XPNPEP3: variants seen among roughly 807,000 people sequenced by gnomAD.
XPNPEP3 encodes xaa-Pro aminopeptidase 3.
In XPNPEP3, 41 loss-of-function variants were observed where a neutral mutation model predicts 60.0. That is an observed-to-expected ratio of 0.68 (90% CI 0.53 to 0.89). The LOEUF is 0.89. XPNPEP3 is among the 40% of genes least tolerant of loss of function. The probability of loss-of-function intolerance (pLI) is 0.00; values close to 1 mark genes in which losing one functional copy is unlikely to be tolerated. For missense variants in XPNPEP3, 598 were observed against 638.9 expected (o/e 0.94, Z 0.69); for synonymous variants, 212 against 223.2 (o/e 0.95, Z 0.45).
intron 4 of XPNPEP3, among the ~76,000 whole-genome samples, chr22:40,891,727 T>TA (rs1238770284): frequency 6.6e-6 from 1 of 152,122 alleles, no homozygotes; most frequent in East Asian, 1.9e-4. Context: ...AGAACTCATT[T>TA]ATCTACCACA....
In XPNPEP3 at chr22:40,930,023, A is replaced by G. The variant is rs1601525580; in HGVS notation, c.*3588A>G. On this transcript the variant is annotated 3_prime_UTR_variant, in exon 10 of 10. Transcript: ENST00000357137. ...ACCATAGTTTTCAACTGCCTTTGCA[A>G]GTTCATAAACTTCTAAGGGTAAAAA... 1 of 152,212 alleles carries G rather than the reference A, an allele frequency of 6.6e-6. No individual in the cohort carries two copies. Among genetic ancestry groups the G allele is most frequent in the East Asian group, 1.9e-4 (1 of 5,186 alleles). The allele number at this position is 152,212 out of a possible 1,614,324, so 9.4% of individuals were successfully genotyped here. A position where few individuals can be genotyped will look rare whatever the true frequency, so the allele number is the denominator to read the frequency against.
At chr22:40,878,200 C>A (rs1433002618) in intron 2 of XPNPEP3, among the ~76,000 whole-genome samples, 1 of 144,276 alleles carries the variant, frequency 6.9e-6, no homozygotes, top group Non-Finnish European at 1.5e-5. Context: ...GAACAAAGCT[C>A]TATCTCAAAA....
chr22:40,919,268 A>T (rs1189705281), intron 7 of XPNPEP3, among the ~76,000 whole-genome samples: 2 of 152,180 alleles, frequency 1.3e-5, no homozygotes, highest in African/African-American at 4.8e-5. Flanking sequence ...AGTACATTGT[A>T]AAAAGGCCAG....
chr22:40,858,646 C>T (rs563599357), intron 1 of XPNPEP3, among the ~76,000 whole-genome samples: 288 of 147,526 alleles, frequency 2.0e-3, no homozygotes, highest in African/African-American at 7.0e-3. Context: ...ATTCTCCTGT[C>T]TCAGCCTCCC....
intron 8 of XPNPEP3, 151 bp downstream of exon 8, chr22:40,922,664 T>C: frequency 1.0e-6 from 1 of 983,476 alleles, no homozygotes; most frequent in Non-Finnish European, 1.5e-6. Flanking sequence ...GGCAGGAGGA[T>C]TGCTTGAAGC....
At chr22:40,918,929 G>A (rs1423629305) in intron 7 of XPNPEP3, among the ~76,000 whole-genome samples, 2 of 149,634 alleles carry the variant, frequency 1.3e-5, no homozygotes, top group Admixed American at 1.3e-4. Context: ...TGCAACCTCC[G>A]GCTCCCAGGT....
chr22:40,895,586 C>T (rs1224270936), intron 4 of XPNPEP3, among the ~76,000 whole-genome samples: 2 of 152,116 alleles, frequency 1.3e-5, no homozygotes, highest in Non-Finnish European at 2.9e-5. Flanking sequence ...CCACCCACCT[C>T]AGCCTCCCAA....
intron 4 of XPNPEP3, among the ~76,000 whole-genome samples, chr22:40,903,344 A>T (rs2058142124): frequency 6.6e-6 from 1 of 151,932 alleles, no homozygotes; most frequent in African/African-American, 2.4e-5. Flanking sequence ...ATTTCCCCTC[A>T]TTTTGGTAAC....
chr22:40,901,066 G>C (rs1370266061), intron 4 of XPNPEP3, among the ~76,000 whole-genome samples: 1 of 151,832 alleles, frequency 6.6e-6, no homozygotes, highest in Non-Finnish European at 1.5e-5. Flanking sequence ...AGCAGCCTGG[G>C]CAACATAGTG....
At chr22:40,861,131 C>T in intron 1 of XPNPEP3, 5 of 1,613,816 alleles carry the variant, frequency 3.1e-6, no homozygotes, top group Non-Finnish European at 2.5e-6. Context: ...TCTTACCACC[C>T]TCTTTGACTC....
rs1442788039 is a variant in XPNPEP3, at chr22:40,893,688, C to G, written c.792+7173C>G. Among the ~76,000 whole-genome samples, 2 of 151,912 alleles carry G rather than the reference C, an allele frequency of 1.3e-5. 1 individual carries two copies. ...CTGGAGTGCAATGGCATGATCTCAG[C>G]TCACCACAACCTCCACCTCCCAGGT... is the stretch of plus-strand genomic sequence containing the variant. On this transcript the variant is annotated intron_variant, in intron 4 of 9. Transcript: ENST00000357137.
At chr22:40,888,758 T>C (rs2058078308) in intron 4 of XPNPEP3, among the ~76,000 whole-genome samples, 1 of 152,064 alleles carries the variant, frequency 6.6e-6, no homozygotes, top group Non-Finnish European at 1.5e-5. Context: ...CTAGATCAAA[T>C]GGTAATTTTA....
At chr22:40,895,398 C>T (rs1373427340) in intron 4 of XPNPEP3, among the ~76,000 whole-genome samples, 6 of 151,664 alleles carry the variant, frequency 4.0e-5, no homozygotes, top group Admixed American at 1.3e-4. Context: ...TGCAATGGCG[C>T]GATCTCGGCT....
chr22:40,877,434 A>G (rs2058031739), intron 2 of XPNPEP3, among the ~76,000 whole-genome samples: 1 of 152,230 alleles, frequency 6.6e-6, no homozygotes, highest in Non-Finnish European at 1.5e-5. Flanking sequence ...GACCTGTATC[A>G]TTTCATCCAT....
At chr22:40,898,051 A>G (rs1472500829) in intron 4 of XPNPEP3, among the ~76,000 whole-genome samples, 1 of 151,898 alleles carries the variant, frequency 6.6e-6, no homozygotes, top group East Asian at 1.9e-4. Context: ...TACTATTCAT[A>G]GCGTCCTTTA....
intron 1 of XPNPEP3, chr22:40,859,409 A>T (rs1167045856): frequency 6.6e-6 from 1 of 152,184 alleles, no homozygotes; most frequent in Non-Finnish European, 1.5e-5. Flanking sequence ...ACTACAGGGC[A>T]TGTCATTACA....
chr22:40,864,569 C>A (rs1265227580), intron 1 of XPNPEP3, among the ~76,000 whole-genome samples: 1 of 152,158 alleles, frequency 6.6e-6, no homozygotes, highest in Non-Finnish European at 1.5e-5. Flanking sequence ...CCTCAGCCCG[C>A]TGAGTAGCTG....
chr22:40,911,622 C>T (rs2058177582), intron 6 of XPNPEP3, among the ~76,000 whole-genome samples: 1 of 151,808 alleles, frequency 6.6e-6, no homozygotes. Context: ...TCACTGCAAC[C>T]TCCCTCTACC....
intron 1 of XPNPEP3, among the ~76,000 whole-genome samples, chr22:40,868,153 A>G (rs529665741): frequency 3.5e-4 from 54 of 152,246 alleles, no homozygotes; most frequent in Non-Finnish European, 7.2e-4. Context: ...AATAACTAAC[A>G]TTTGTTGTAC....
Sources: allele counts gnomAD v4.1 joint callset (sites outside exome capture counted in the v4.1 genomes callset), GRCh38; gene constraint gnomAD v4.1.1; transcripts MANE v1.5; gene names NCBI Gene and HGNC (gene_info 2026-07-23, HGNC 2026-07-21).